The following PSMA1 variants were observed in gnomAD, a reference collection of about 807,000 sequenced individuals.
PSMA1 encodes proteasome 20S subunit alpha 1.
A neutral mutation model predicts 38.4 loss-of-function variants in PSMA1; 3 were observed. The observed-to-expected ratio is 0.08, with a 90% confidence interval of 0.04 to 0.20. PSMA1 has a LOEUF of 0.20. PSMA1 is among the 10% of genes least tolerant of loss of function. PSMA1 has a pLI of 1.00. For missense variants in PSMA1, 227 were observed against 325.3 expected (o/e 0.70, Z 2.32); for synonymous variants, 101 against 107.1 (o/e 0.94, Z 0.35).
At chr11:14,571,124 G>C (rs549580003) in intron 2 of PSMA1, among the ~76,000 whole-genome samples, 36 of 152,140 alleles carry the variant, frequency 2.4e-4, no homozygotes, top group Non-Finnish European at 4.6e-4. Context: ...GTGTACTGGC[G>C]AGATCGCGGA....
chr11:14,606,602 TTC>T (rs1852646343), intron 2 of PSMA1, among the ~76,000 whole-genome samples: 1 of 152,216 alleles, frequency 6.6e-6, no homozygotes, highest in Admixed American at 6.5e-5. Flanking sequence ...AATTGGATGT[TTC>T]TAATTCATGT....
intron 2 of PSMA1, among the ~76,000 whole-genome samples, chr11:14,547,538 G>A (rs1481775033): frequency 6.6e-6 from 1 of 152,182 alleles, no homozygotes; most frequent in African/African-American, 2.4e-5. Flanking sequence ...TGGGAGTGCA[G>A]TAAAAAATGG....
At chr11:14,583,517 A>T (rs1852306284) in intron 2 of PSMA1, among the ~76,000 whole-genome samples, 1 of 152,214 alleles carries the variant, frequency 6.6e-6, no homozygotes, top group Non-Finnish European at 1.5e-5. Context: ...CTCTCAGCAC[A>T]TCCCCAAAGC....
intron 2 of PSMA1, among the ~76,000 whole-genome samples, chr11:14,592,394 A>T (rs527671720): frequency 0.031 from 4,303 of 137,848 alleles, 71 homozygotes; most frequent in Non-Finnish European, 0.038. Context: ...ATATATATAT[A>T]TTTTTTTTTT....
At chr11:14,564,033 T>C (rs1044010825) in intron 2 of PSMA1, among the ~76,000 whole-genome samples, 7 of 152,330 alleles carry the variant, frequency 4.6e-5, no homozygotes, top group South Asian at 2.1e-4. Flanking sequence ...TAAGAAGTAA[T>C]ACAAAAAGAT....
chr11:14,514,592 G>A, intron 4 of PSMA1, 101 bp from the exon 5 acceptor site: 1 of 895,348 alleles, frequency 1.1e-6, no homozygotes, highest in Non-Finnish European at 1.6e-6. Flanking sequence ...GCGTTTACAT[G>A]GATAACATCC....
At chr11:14,512,513 T>C (rs1156638819) in intron 7 of PSMA1, among the ~76,000 whole-genome samples, 1 of 152,202 alleles carries the variant, frequency 6.6e-6, no homozygotes, top group Non-Finnish European at 1.5e-5. Flanking sequence ...GAATTTCCTA[T>C]CCAGGTTGAA....
At chr11:14,555,275 G>T (rs1193810359) in intron 2 of PSMA1, among the ~76,000 whole-genome samples, 1 of 152,114 alleles carries the variant, frequency 6.6e-6, no homozygotes, top group Non-Finnish European at 1.5e-5. Flanking sequence ...AAAAAGCTCA[G>T]AACCAAATTT....
chr11:14,557,261 C>T (rs182217909), intron 2 of PSMA1, among the ~76,000 whole-genome samples: 21 of 152,092 alleles, frequency 1.4e-4, no homozygotes, highest in South Asian at 6.2e-4. Context: ...TTTTTTGAGA[C>T]GGAGTCTCAC....
chr11:14,552,404 A>T (rs1044760708), intron 2 of PSMA1, among the ~76,000 whole-genome samples: 2 of 152,202 alleles, frequency 1.3e-5, no homozygotes, highest in African/African-American at 4.8e-5. Flanking sequence ...AAATAAGTTG[A>T]TTTAAAGAAG....
intron 2 of PSMA1, among the ~76,000 whole-genome samples, chr11:14,606,430 AAAAG>A: frequency 6.6e-6 from 1 of 152,232 alleles, no homozygotes; most frequent in South Asian, 2.1e-4. Flanking sequence ...GAAAAAGAAA[AAAAG>A]AAAAAAAAAA....
chr11:14,505,036 G>C lies in PSMA1; in HGVS notation c.*156C>G. 1.4e-6 allele frequency: 1 copy of C among 690,476 alleles called. No individual in the cohort carries two copies. 42.8% of individuals were successfully genotyped at this position (690,476 alleles called of 1,614,324 possible). ...TGTATTCCATTATATAGGTTTCAGT[G>C]AGGTTGCTTGGAAAAAACTCACATC... On this transcript the variant is annotated 3_prime_UTR_variant, in exon 10 of 10. Transcript: ENST00000396394.
intron 2 of PSMA1, among the ~76,000 whole-genome samples, chr11:14,548,567 C>T (rs10160436): frequency 0.014 from 2,115 of 152,256 alleles, 17 homozygotes; most frequent in Non-Finnish European, 0.023. Context: ...TCAGGGACAT[C>T]ATATTGGCAG....
At chr11:14,540,182 C>T (rs1263226723) in intron 2 of PSMA1, among the ~76,000 whole-genome samples, 1 of 152,210 alleles carries the variant, frequency 6.6e-6, no homozygotes, top group Non-Finnish European at 1.5e-5. Flanking sequence ...CCTACTTGCT[C>T]TCTGCATTTG....
chr11:14,610,815 C>A, intron 2 of PSMA1: 1 of 691,166 alleles, frequency 1.4e-6, no homozygotes, highest in Non-Finnish European at 2.3e-6. Context: ...CTTTCTTACA[C>A]AGACATTTTT....
chr11:14,508,356 A>G (rs1851281381), intron 8 of PSMA1, among the ~76,000 whole-genome samples: 1 of 151,980 alleles, frequency 6.6e-6, no homozygotes, highest in South Asian at 2.1e-4. Flanking sequence ...CTCCTTTCCC[A>G]TTAAAACTTC....
intron 2 of PSMA1, among the ~76,000 whole-genome samples, chr11:14,562,695 G>A (rs1852023960): frequency 6.6e-6 from 1 of 151,628 alleles, no homozygotes; most frequent in Non-Finnish European, 1.5e-5. Flanking sequence ...CATGATCAGG[G>A]CTCACTGAAG....
At position 14,589,363 on chromosome 11, in the gene PSMA1, A is replaced by G. The variant is rs547684087; in HGVS notation, c.21+21603T>C. Among the ~76,000 whole-genome samples, 450 of 127,364 alleles carry G rather than the reference A, an allele frequency of 3.5e-3. 6 individuals carry two copies. The highest frequency in any genetic ancestry group is 0.013 in the African/African-American group (426 of 33,444). The allele number at this position is 127,364 out of a possible 152,430, so 83.6% of individuals were successfully genotyped here. On this transcript the variant is annotated intron_variant, in intron 2 of 10. Transcript: ENST00000418988. ...TATATGTGTGTGTGTATATATATAT[A>G]TATGTGTGTGTGTGTGTGTGTATAT...
At chr11:14,515,675 T>A (rs1851414026) in intron 4 of PSMA1, among the ~76,000 whole-genome samples, 1 of 151,632 alleles carries the variant, frequency 6.6e-6, no homozygotes, top group Non-Finnish European at 1.5e-5. Context: ...TGCCTCAGCC[T>A]CCCAAGTAGC....
Sources: allele counts gnomAD v4.1 joint callset (sites outside exome capture counted in the v4.1 genomes callset), GRCh38; gene constraint gnomAD v4.1.1; transcripts MANE v1.5; gene names NCBI Gene and HGNC (gene_info 2026-07-23, HGNC 2026-07-21).